PDE4D: variants seen among roughly 807,000 people sequenced by gnomAD.
PDE4D encodes the protein phosphodiesterase 4D.
A neutral mutation model predicts 87.4 loss-of-function variants in PDE4D; 24 were observed. That is an observed-to-expected ratio of 0.27 (90% CI 0.20 to 0.39). PDE4D has a LOEUF of 0.39. Ranked by LOEUF, PDE4D falls within the 10% of genes least tolerant of loss-of-function variation. The pLI, the probability that PDE4D is intolerant of heterozygous loss-of-function variation, is 1.00. For missense variants in PDE4D, 714 were observed against 1,041.0 expected, an observed-to-expected ratio of 0.69 and a Z score of 4.32; for synonymous variants, 384 against 383.2, an observed-to-expected ratio of 1.00 and a Z score of -0.02.
intron 1 of PDE4D, among the ~76,000 whole-genome samples, chr5:59,843,436 T>C (rs1181782415): frequency 6.6e-6 from 1 of 151,664 alleles, no homozygotes; most frequent in African/African-American, 2.4e-5. Context: ...TTCCCTACCC[T>C]ACTCCCCCCC....
At chr5:59,197,383 C>T (rs1463575458) in intron 2 of PDE4D, among the ~76,000 whole-genome samples, 1 of 152,042 alleles carries the variant, frequency 6.6e-6, no homozygotes, top group Non-Finnish European at 1.5e-5. Context: ...ATTGTTTCTG[C>T]CAAATATCTC....
intron 1 of PDE4D, among the ~76,000 whole-genome samples, chr5:59,344,327 C>T (rs1303412211): frequency 6.6e-6 from 1 of 152,148 alleles, no homozygotes; most frequent in Non-Finnish European, 1.5e-5. Flanking sequence ...GAAAAGCAGC[C>T]CATGATCACT....
At chr5:59,102,333 G>A (rs539534190) in intron 5 of PDE4D, among the ~76,000 whole-genome samples, 1 of 151,918 alleles carries the variant, frequency 6.6e-6, no homozygotes, top group Non-Finnish European at 1.5e-5. Context: ...TGATCTGCAC[G>A]CCTCGGCCTC....
At chr5:59,005,915 C>A (rs891058833) in intron 6 of PDE4D, among the ~76,000 whole-genome samples, 3 of 152,184 alleles carry the variant, frequency 2.0e-5, no homozygotes, top group African/African-American at 7.2e-5. Flanking sequence ...TGTTTATCCT[C>A]AATCTTTTTG....
intron 5 of PDE4D, among the ~76,000 whole-genome samples, chr5:59,145,035 AT>A (rs573006249): frequency 3.0e-4 from 46 of 151,900 alleles, no homozygotes; most frequent in Non-Finnish European, 4.3e-4. Context: ...CAGAACATAG[AT>A]TTTTTTTCTC....
chr5:60,350,229 A>T (rs1759063159), intron 1 of PDE4D, among the ~76,000 whole-genome samples: 1 of 152,188 alleles, frequency 6.6e-6, no homozygotes, highest in African/African-American at 2.4e-5. Flanking sequence ...GTTCGAGCCT[A>T]TCAGTCAGTC....
At chr5:59,344,575 T>G (rs1779326265) in intron 1 of PDE4D, among the ~76,000 whole-genome samples, 1 of 152,036 alleles carries the variant, frequency 6.6e-6, no homozygotes, top group African/African-American at 2.4e-5. Context: ...ATTTTTAAAT[T>G]TTTTGTAGAA....
chr5:59,190,111 G>A (rs183291119), intron 3 of PDE4D, among the ~76,000 whole-genome samples: 10 of 152,316 alleles, frequency 6.6e-5, no homozygotes, highest in African/African-American at 1.2e-4. Context: ...CATGATTCGT[G>A]TTTTGGAGAT....
At chr5:58,977,073 G>C (rs1329990880) in intron 12 of PDE4D, 118 bp downstream of exon 12, 2 of 884,290 alleles carry the variant, frequency 2.3e-6, no homozygotes, top group Non-Finnish European at 3.5e-6. Context: ...ATAACATAAA[G>C]GGCCATAATA....
In PDE4D at chr5:60,371,157, A is replaced by C. The variant is rs576842310; in HGVS notation, c.-90+116785T>G. On this transcript the variant is annotated intron_variant, in intron 1 of 16. Coordinates refer to the PDE4D transcript ENST00000502484. ...GTCAAGAAGTGAGCTATCAGGATCT[A>C]CTCTGTATCCACCTTAAACAACCAA... Among the ~76,000 whole-genome samples the C allele has an allele frequency of 2.6e-5, 4 of 152,298 alleles. No individual in the cohort carries two copies. The East Asian group carries it at 7.7e-4, about 29-fold the overall frequency.
intron 5 of PDE4D, among the ~76,000 whole-genome samples, chr5:59,048,151 G>A (rs1761001998): frequency 6.6e-6 from 1 of 152,160 alleles, no homozygotes. Context: ...ACTAAAGAGG[G>A]TGTTAAAGAA....
chr5:59,928,855 T>G (rs983914585), intron 3 of PDE4D, among the ~76,000 whole-genome samples: 1 of 149,756 alleles, frequency 6.7e-6, no homozygotes, highest in South Asian at 2.1e-4. Context: ...TATTAGAAAT[T>G]TCTATATATT....
chr5:60,125,117 G>T (rs1345386905), intron 2 of PDE4D, among the ~76,000 whole-genome samples: 6 of 151,922 alleles, frequency 3.9e-5, no homozygotes, highest in African/African-American at 1.2e-4. Context: ...ACCCAAATTA[G>T]ATTTGTAAAA....
intron 2 of PDE4D, among the ~76,000 whole-genome samples, chr5:60,064,180 A>T (rs1209795366): frequency 6.6e-6 from 1 of 152,084 alleles, no homozygotes; most frequent in Non-Finnish European, 1.5e-5. Flanking sequence ...CATTTTTTAA[A>T]AGTTTTTATC....
chr5:60,196,321 A>G (rs1181680898), intron 1 of PDE4D, among the ~76,000 whole-genome samples: 2 of 151,648 alleles, frequency 1.3e-5, no homozygotes, highest in African/African-American at 4.8e-5. Flanking sequence ...TCTCTAAAAC[A>G]CAACTCTCCA....
chr5:59,149,622 G>A (rs1448074896), intron 5 of PDE4D, among the ~76,000 whole-genome samples: 5 of 149,930 alleles, frequency 3.3e-5, no homozygotes, highest in Admixed American at 6.7e-5. Context: ...AGATTTTAGT[G>A]TTGGTTCCTA....
intron 5 of PDE4D, among the ~76,000 whole-genome samples, chr5:59,140,472 C>T (rs192166525): frequency 1.3e-5 from 2 of 152,244 alleles, no homozygotes; most frequent in Admixed American, 6.5e-5. Context: ...ATTTAACGGT[C>T]ATTATAATGC....
intron 1 of PDE4D, among the ~76,000 whole-genome samples, chr5:59,403,518 C>A (rs1791067981): frequency 6.6e-6 from 1 of 152,134 alleles, no homozygotes; most frequent in Admixed American, 6.6e-5. Flanking sequence ...GATCTCAATT[C>A]TTTTAATTTC....
intron 1 of PDE4D, among the ~76,000 whole-genome samples, chr5:59,346,057 A>G (rs1779557485): frequency 6.6e-6 from 1 of 152,210 alleles, no homozygotes; most frequent in Non-Finnish European, 1.5e-5. Flanking sequence ...TGCACAAAAC[A>G]CTATGAATGA....
Sources: allele counts gnomAD v4.1 joint callset (sites outside exome capture counted in the v4.1 genomes callset), GRCh38; gene constraint gnomAD v4.1.1; transcripts MANE v1.5; gene names NCBI Gene and HGNC (gene_info 2026-07-23, HGNC 2026-07-21).